CDH7: variants seen among roughly 807,000 people sequenced by gnomAD.
CDH7 encodes cadherin-7.
Under a neutral mutation model 71.8 loss-of-function variants are expected in CDH7, and 25 were observed. That is an observed-to-expected ratio of 0.35 (90% CI 0.25 to 0.49). The LOEUF (loss-of-function observed/expected upper bound fraction) is 0.49, where lower values mean the gene tolerates loss of function less well. Ranked by LOEUF, CDH7 falls within the 20% of genes least tolerant of loss-of-function variation. The pLI is 0.99. For missense variants in CDH7, 862 were observed against 974.6 expected (o/e 0.88, Z 1.54); for synonymous variants, 381 against 363.8 (o/e 1.05, Z -0.54).
intron 7 of CDH7, among the ~76,000 whole-genome samples, chr18:65,850,103 G>A (rs1434173576): frequency 6.6e-6 from 1 of 150,932 alleles, no homozygotes; most frequent in African/African-American, 2.4e-5. Context: ...GGTGGAGGGT[G>A]CAGTGAGCTG....
rs1196788852 is a variant in CDH7 at position 65,882,692 on chromosome 18, T to C, written c.*1798T>C. 1.3e-5 allele frequency: 2 copies of C among 152,160 alleles called. No individual in the cohort carries two copies. Among genetic ancestry groups the C allele is most frequent in the Non-Finnish European group, 2.9e-5 (2 of 67,980 alleles). The allele number at this position is 152,160 out of a possible 1,614,324, so 9.4% of individuals were successfully genotyped here. On this transcript the variant is annotated 3_prime_UTR_variant, in exon 12 of 12. Coordinates refer to ENST00000397968, the MANE Select transcript of CDH7 (RefSeq NM_004361.5). Reference sequence around the variant, plus strand: ...ACATTGTTTTATGACTATATAGATATGCTTCTTGCTGTATTAATATGCATA... The same window carrying C: ...ACATTGTTTTATGACTATATAGATACGCTTCTTGCTGTATTAATATGCATA...
chr18:65,752,053 A>G (rs150646330), intron 1 of CDH7, among the ~76,000 whole-genome samples: 250 of 152,350 alleles, frequency 1.6e-3, no homozygotes, highest in Middle Eastern at 0.01. Context: ...GAGATCTGCA[A>G]ATTGAACGAG....
chr18:65,871,097 A>G (rs1913912726), intron 11 of CDH7, among the ~76,000 whole-genome samples: 1 of 152,206 alleles, frequency 6.6e-6, no homozygotes, highest in Non-Finnish European at 1.5e-5. Flanking sequence ...GAGGTCATCA[A>G]AATCACAAGT....
At chr18:65,825,804 C>G (rs1912109371) in intron 6 of CDH7, among the ~76,000 whole-genome samples, 1 of 151,764 alleles carries the variant, frequency 6.6e-6, no homozygotes, top group Admixed American at 6.6e-5. Context: ...GCTGTTTTAG[C>G]TAAGCTGGTG....
intron 7 of CDH7, among the ~76,000 whole-genome samples, chr18:65,854,318 A>ATG (rs2144019944): frequency 6.6e-6 from 1 of 152,164 alleles, no homozygotes; most frequent in African/African-American, 2.4e-5. Flanking sequence ...AAATAAATAT[A>ATG]TCTACAAGGG....
At position 65,822,313 on chromosome 18, in the gene CDH7, T is replaced by C. The variant is rs893356940; in HGVS notation, c.793+65T>C. The C allele has an allele frequency of 3.1e-6, 4 of 1,278,422 alleles. No homozygotes were observed. In the South Asian group the frequency reaches 5.4e-5, roughly 17 times the overall value. 79.2% of individuals were successfully genotyped at this position (1,278,422 alleles called of 1,614,324 possible). A position where few individuals can be genotyped will look rare whatever the true frequency, so the allele number is the denominator to read the frequency against. On this transcript the variant is annotated intron_variant, in intron 5 of 11. Transcript: ENST00000397968. Reference sequence around the variant, plus strand: ...CCCTGAAAGTCTATAAAATACATCTTTAAAATGACTTTTTTTCAAATACTT... The same window carrying C: ...CCCTGAAAGTCTATAAAATACATCTCTAAAATGACTTTTTTTCAAATACTT...
intron 2 of CDH7, among the ~76,000 whole-genome samples, chr18:65,801,830 A>G (rs1356415588): frequency 6.6e-6 from 1 of 152,098 alleles, no homozygotes; most frequent in Non-Finnish European, 1.5e-5. Context: ...CCAAATGCAG[A>G]CTCTAAAATT....
At chr18:65,758,436 T>C (rs1916095993) in intron 1 of CDH7, among the ~76,000 whole-genome samples, 1 of 152,194 alleles carries the variant, frequency 6.6e-6, no homozygotes, top group South Asian at 2.1e-4. Context: ...CATATGTTCC[T>C]GGGAGAGTTG....
At chr18:65,771,527 G>T (rs1415647978) in intron 2 of CDH7, among the ~76,000 whole-genome samples, 3 of 151,526 alleles carry the variant, frequency 2.0e-5, no homozygotes, top group Admixed American at 1.3e-4. Context: ...CAAAAAATTA[G>T]CCGGACGTCA....
chr18:65,833,456 C>T (rs1377410435), intron 6 of CDH7, among the ~76,000 whole-genome samples: 2 of 152,092 alleles, frequency 1.3e-5, no homozygotes, highest in African/African-American at 2.4e-5. Context: ...TCCTGCTGCT[C>T]AGGATGCATA....
At chr18:65,872,484 T>C (rs1913957043) in intron 11 of CDH7, among the ~76,000 whole-genome samples, 1 of 152,172 alleles carries the variant, frequency 6.6e-6, no homozygotes, top group Non-Finnish European at 1.5e-5. Context: ...ATAGTGTGCC[T>C]GGAGATAGTG....
intron 4 of CDH7, among the ~76,000 whole-genome samples, chr18:65,817,096 C>T (rs912596826): frequency 3.3e-5 from 5 of 152,024 alleles, no homozygotes; most frequent in Admixed American, 6.6e-5. Flanking sequence ...AGTACAGGGT[C>T]GGAATGACGG....
At chr18:65,829,110 T>C (rs1212128982) in intron 6 of CDH7, among the ~76,000 whole-genome samples, 2 of 150,828 alleles carry the variant, frequency 1.3e-5, no homozygotes, top group Non-Finnish European at 2.9e-5. Flanking sequence ...GTATGGTCTG[T>C]CATTTTTGTT....
In CDH7 at chr18:65,848,299, T is replaced by C. The variant is rs192177549; in HGVS notation, c.1235+4234T>C. ...AGGCATTCATTAAAAACCTGTGTTATGCAAGCACTGGGGAAAATGCTAATG... is the reference window on the plus strand; with the variant it reads ...AGGCATTCATTAAAAACCTGTGTTACGCAAGCACTGGGGAAAATGCTAATG... On this transcript the variant is annotated intron_variant, in intron 7 of 11. Transcript: ENST00000397968. Among the ~76,000 whole-genome samples, 86 of 152,300 alleles carry C rather than the reference T, an allele frequency of 5.6e-4. 3 individuals are homozygous for C. Among genetic ancestry groups the C allele is most frequent in the Admixed American group, 5.2e-3 (80 of 15,282 alleles).
intron 4 of CDH7, 92 bp downstream of exon 4, chr18:65,814,696 A>G: frequency 9.3e-7 from 1 of 1,079,794 alleles, no homozygotes; most frequent in Non-Finnish European, 1.3e-6. Context: ...CACTAATAAC[A>G]TACCATTTTA....
intron 2 of CDH7, among the ~76,000 whole-genome samples, chr18:65,782,612 A>G (rs988162463): frequency 2.0e-5 from 3 of 152,208 alleles, no homozygotes; most frequent in Non-Finnish European, 4.4e-5. Context: ...GAATTGGTGC[A>G]TAGGGAACCA....
chr18:65,813,587 C>T (rs1911619867), intron 3 of CDH7, among the ~76,000 whole-genome samples: 1 of 151,902 alleles, frequency 6.6e-6, no homozygotes, highest in Non-Finnish European at 1.5e-5. Flanking sequence ...TTGTAACAAA[C>T]TAGGACCTTA....
chr18:65,783,912 G>T (rs1259154007), intron 2 of CDH7, among the ~76,000 whole-genome samples: 1 of 151,936 alleles, frequency 6.6e-6, no homozygotes, highest in Non-Finnish European at 1.5e-5. Flanking sequence ...TAAGAAAATA[G>T]AAATAAAGGC....
intron 11 of CDH7, among the ~76,000 whole-genome samples, chr18:65,877,335 A>C (rs1914100863): frequency 6.6e-6 from 1 of 152,130 alleles, no homozygotes; most frequent in South Asian, 2.1e-4. Context: ...TGAGAATCAG[A>C]AGTCAAGTTT....
Sources: allele counts gnomAD v4.1 joint callset (sites outside exome capture counted in the v4.1 genomes callset), GRCh38; gene constraint gnomAD v4.1.1; transcripts MANE v1.5; gene names NCBI Gene and HGNC (gene_info 2026-07-23, HGNC 2026-07-21).